Variants in YPEL2 observed in about 807,000 individuals in gnomAD.
YPEL2 encodes the protein yippee like 2, also known as protein yippee-like 2.
A neutral mutation model predicts 19.1 loss-of-function variants in YPEL2; 2 were observed. That is an observed-to-expected ratio of 0.10 (90% CI 0.04 to 0.33). The LOEUF (loss-of-function observed/expected upper bound fraction) is 0.33, where lower values mean the gene tolerates loss of function less well. Ranked by LOEUF, YPEL2 falls within the 10% of genes least tolerant of loss-of-function variation. The pLI is 1.00. For missense variants in YPEL2, 66 were observed against 140.7 expected (o/e 0.47, Z 2.68); for synonymous variants, 52 against 50.0 (o/e 1.04, Z -0.17).
chr17:59,377,755 G>A (rs1410619981), intron 2 of YPEL2, among the ~76,000 whole-genome samples: 1 of 152,180 alleles, frequency 6.6e-6, no homozygotes, highest in Non-Finnish European at 1.5e-5. Flanking sequence ...TGTGGGAGAG[G>A]AGCTTATGGG....
intron 2 of YPEL2, among the ~76,000 whole-genome samples, chr17:59,375,754 C>T (rs765926128): frequency 6.6e-6 from 1 of 152,024 alleles, no homozygotes; most frequent in African/African-American, 2.4e-5. Flanking sequence ...CCCACTTGAG[C>T]GAGAGAATTA....
intron 2 of YPEL2, among the ~76,000 whole-genome samples, chr17:59,365,214 G>C (rs576394308): frequency 6.6e-6 from 1 of 152,300 alleles, no homozygotes; most frequent in Non-Finnish European, 1.5e-5. Flanking sequence ...AGTTGCCCTT[G>C]AGCCCTACAG....
At chr17:59,351,251 T>A (rs111774130) in intron 1 of YPEL2, among the ~76,000 whole-genome samples, 2 of 152,132 alleles carry the variant, frequency 1.3e-5, no homozygotes, top group African/African-American at 4.8e-5. Context: ...GGCGGGCGCC[T>A]GTAATTCTAG....
intron 2 of YPEL2, among the ~76,000 whole-genome samples, chr17:59,383,347 G>A (rs569580403): frequency 2.9e-4 from 43 of 150,674 alleles, no homozygotes; most frequent in African/African-American, 9.7e-4. Flanking sequence ...GCCTGTAATC[G>A]CAGCACTTTG....
chr17:59,398,019 G>T lies in YPEL2; in HGVS notation c.*829G>T, dbSNP rs2048049721. On this transcript the variant is annotated 3_prime_UTR_variant, in exon 5 of 5. Transcript: ENST00000312655. ...ACCATCCAAATATCCCAAAGGCTTTGACCAGCAACCAAGTAAAATCAGTAA... is the reference window on the plus strand; with the variant it reads ...ACCATCCAAATATCCCAAAGGCTTTTACCAGCAACCAAGTAAAATCAGTAA... 2 of 152,276 alleles carry T rather than the reference G, an allele frequency of 1.3e-5. No homozygotes were observed. The highest frequency in any genetic ancestry group is 1.3e-4 in the Admixed American group (2 of 15,286). The allele number at this position is 152,276 out of a possible 1,614,324, so 9.4% of individuals were successfully genotyped here.
intron 2 of YPEL2, among the ~76,000 whole-genome samples, chr17:59,381,707 A>G (rs1000726933): frequency 6.6e-6 from 1 of 152,120 alleles, no homozygotes; most frequent in African/African-American, 2.4e-5. Flanking sequence ...CTTTACTTTA[A>G]AGGACAGAAG....
At chr17:59,364,698 A>T (rs902607956) in intron 2 of YPEL2, among the ~76,000 whole-genome samples, 1 of 148,176 alleles carries the variant, frequency 6.7e-6, no homozygotes, top group Non-Finnish European at 1.5e-5. Context: ...GCTCACTGCA[A>T]CCTCCACCTC....
At chr17:59,332,446 G>T (rs1292587095) in intron 1 of YPEL2, among the ~76,000 whole-genome samples, 1 of 152,200 alleles carries the variant, frequency 6.6e-6, no homozygotes, top group Admixed American at 6.5e-5. Flanking sequence ...TTGCCAAGGG[G>T]GTGGGCGCGA....
At chr17:59,334,571 AACACACACAC>A (rs35386954) in intron 1 of YPEL2, among the ~76,000 whole-genome samples, 28 of 145,224 alleles carry the variant, frequency 1.9e-4, no homozygotes, top group Admixed American at 4.1e-4. Context: ...TTCAGGCACA[AACACACACAC>A]ACACACACAC....
At chr17:59,336,380 C>T (rs934519007) in intron 1 of YPEL2, among the ~76,000 whole-genome samples, 1 of 152,170 alleles carries the variant, frequency 6.6e-6, no homozygotes, top group East Asian at 1.9e-4. Flanking sequence ...TTCTAGGCCT[C>T]GCTGTTTGTT....
At chr17:59,389,555 C>T in intron 4 of YPEL2, 87 bp downstream of exon 4, 1 of 1,049,124 alleles carries the variant, frequency 9.5e-7, no homozygotes, top group Non-Finnish European at 1.4e-6. Flanking sequence ...ACTCGCTTTC[C>T]ATGGCCTTGT....
At chr17:59,370,947 GT>G (rs2047894265) in intron 2 of YPEL2, among the ~76,000 whole-genome samples, 1 of 151,824 alleles carries the variant, frequency 6.6e-6, no homozygotes, top group Non-Finnish European at 1.5e-5. Context: ...TTGTTTTTTT[GT>G]TTTTGTTTTA....
chr17:59,337,916 T>A (rs2047707874), intron 1 of YPEL2, among the ~76,000 whole-genome samples: 1 of 152,248 alleles, frequency 6.6e-6, no homozygotes, highest in Non-Finnish European at 1.5e-5. Context: ...CTCTTCCTAC[T>A]GCTGCGCATT....
intron 2 of YPEL2, among the ~76,000 whole-genome samples, chr17:59,371,880 G>A (rs1354649141): frequency 6.6e-6 from 1 of 152,220 alleles, no homozygotes; most frequent in African/African-American, 2.4e-5. Flanking sequence ...TGACGAGGAA[G>A]TTTGCACAGT....
intron 1 of YPEL2, among the ~76,000 whole-genome samples, chr17:59,350,143 G>A (rs914893151): frequency 5.9e-5 from 9 of 151,428 alleles, no homozygotes; most frequent in African/African-American, 2.2e-4. Flanking sequence ...TGAACACTGT[G>A]CACTGCAGTC....
At chr17:59,392,058 A>C (rs2048010275) in intron 4 of YPEL2, among the ~76,000 whole-genome samples, 1 of 152,096 alleles carries the variant, frequency 6.6e-6, no homozygotes, top group Non-Finnish European at 1.5e-5. Flanking sequence ...CTGGGTGATG[A>C]TGGGTGGGGG....
chr17:59,333,289 A>C (rs533266352), intron 1 of YPEL2, among the ~76,000 whole-genome samples: 135 of 152,300 alleles, frequency 8.9e-4, no homozygotes, highest in African/African-American at 3.2e-3. Context: ...CAGCTCCATG[A>C]TAGGATCTCA....
chr17:59,383,286 TAGTCTTAC>T (rs1023352951), intron 2 of YPEL2, among the ~76,000 whole-genome samples: 2 of 151,982 alleles, frequency 1.3e-5, no homozygotes, highest in African/African-American at 4.8e-5. Context: ...ATAGTCTATT[TAGTCTTAC>T]AGTCTTATAA....
At chr17:59,378,259 G>A (rs12949992) in intron 2 of YPEL2, among the ~76,000 whole-genome samples, 1 of 151,844 alleles carries the variant, frequency 6.6e-6, no homozygotes, top group African/African-American at 2.4e-5. Flanking sequence ...CTCCTAAAAG[G>A]ACTCTAAAAG....
Sources: gnomAD v4.1 joint callset for allele counts (sites outside exome capture counted in the v4.1 genomes callset) on GRCh38, gnomAD v4.1.1 for gene constraint, MANE v1.5 for transcripts, NCBI Gene and HGNC (gene_info 2026-07-23, HGNC 2026-07-21) for gene names.